HEXB: variants seen among roughly 807,000 people sequenced by gnomAD.
The protein encoded by HEXB is beta-hexosaminidase subunit beta.
A neutral mutation model predicts 71.2 loss-of-function variants in HEXB; 51 were observed. The ratio of observed to expected loss-of-function variants is 0.72; its 90% CI spans 0.57 to 0.90. The LOEUF (loss-of-function observed/expected upper bound fraction) is 0.90, where lower values mean the gene tolerates loss of function less well. Ranked by LOEUF, HEXB falls within the 40% of genes least tolerant of loss-of-function variation. The pLI, the probability that HEXB is intolerant of heterozygous loss-of-function variation, is 0.00. For synonymous variants in HEXB, 266 were observed against 249.3 expected, an observed-to-expected ratio of 1.07 and a Z score of -0.63; for missense variants, 617 against 677.0, an observed-to-expected ratio of 0.91 and a Z score of 0.98.
intron 1 of HEXB, among the ~76,000 whole-genome samples, chr5:74,663,454 G>A (rs1034348659): frequency 7.2e-5 from 11 of 152,140 alleles, no homozygotes; most frequent in Non-Finnish European, 1.5e-4. Flanking sequence ...GCCTCCCAAA[G>A]TGTTGGGATT....
At chr5:74,643,999 C>T (rs1747955369) in intron 1 of HEXB, among the ~76,000 whole-genome samples, 1 of 152,242 alleles carries the variant, frequency 6.6e-6, no homozygotes, top group Admixed American at 6.5e-5. Flanking sequence ...GTCCTGGAGA[C>T]AGAGTGTGGC....
intron 6 of HEXB, chr5:74,706,077 A>T (rs1291860847): frequency 6.6e-6 from 1 of 152,574 alleles, no homozygotes; most frequent in Non-Finnish European, 1.5e-5. Flanking sequence ...AGAATAGTTT[A>T]ATGAACTCCC....
intron 2 of HEXB, 161 bp from the exon 3 acceptor site, chr5:74,693,478 G>C (rs1168060461): frequency 5.8e-6 from 4 of 689,042 alleles, no homozygotes; most frequent in African/African-American, 1.8e-5. Context: ...GGAACCTGCA[G>C]GACATCCAAA....
rs533264474 is a variant in HEXB at position 74,696,933 on chromosome 5, T to C, written c.559-63T>C. On this transcript the variant is annotated intron_variant, in intron 4 of 13. Transcript: ENST00000261416. ...GAAATGCTTGTATAAATAGATTTAG[T>C]CTTCATTGAGTTCAAGACAACAGAA... The C allele has an allele frequency of 1.1e-4, 98 of 882,184 alleles. No homozygotes were observed. The African/African-American group carries it at 1.2e-3, about 10-fold the overall frequency. The allele number at this position is 882,184 out of a possible 1,614,324, so 54.6% of individuals were successfully genotyped here. A position where few individuals can be genotyped will look rare whatever the true frequency, so the allele number is the denominator to read the frequency against.
At chr5:74,687,304 C>T (rs1032063338) in intron 1 of HEXB, among the ~76,000 whole-genome samples, 2 of 152,150 alleles carry the variant, frequency 1.3e-5, no homozygotes, top group Non-Finnish European at 1.5e-5. Context: ...CAAAGTGCGA[C>T]GTGGTCAGGA....
chr5:74,693,478 G>A, intron 2 of HEXB, 161 bp from the exon 3 acceptor site: 1 of 689,160 alleles, frequency 1.5e-6, no homozygotes, highest in South Asian at 1.5e-5. Context: ...GGAACCTGCA[G>A]GACATCCAAA....
At chr5:74,677,490 CTTTTTTTT>C (rs566302720) in intron 1 of HEXB, among the ~76,000 whole-genome samples, 2 of 77,290 alleles carry the variant, frequency 2.6e-5, no homozygotes, top group South Asian at 4.1e-4. Flanking sequence ...TCTTCTTCTT[CTTTTTTTT>C]TTTTTTTTTT....
chr5:74,678,656 T>C (rs772173523), intron 1 of HEXB, among the ~76,000 whole-genome samples: 1 of 152,220 alleles, frequency 6.6e-6, no homozygotes, highest in South Asian at 2.1e-4. Flanking sequence ...TGAATGATCA[T>C]GAATCCTAAT....
At chr5:74,682,352 C>T (rs886584636), upstream of HEXB, among the ~76,000 whole-genome samples, 2 of 152,034 alleles carry the variant, frequency 1.3e-5, no homozygotes, top group Admixed American at 6.6e-5. Flanking sequence ...AGCGAGACTC[C>T]GTCTCAAAAA....
intron 1 of HEXB, among the ~76,000 whole-genome samples, chr5:74,665,999 G>A (rs1471214695): frequency 2.0e-5 from 3 of 151,984 alleles, no homozygotes; most frequent in Non-Finnish European, 4.4e-5. Context: ...ACCACATCTG[G>A]TCATTAAAAA....
intron 9 of HEXB, among the ~76,000 whole-genome samples, chr5:74,717,359 T>C (rs1282556539): frequency 1.3e-5 from 2 of 152,174 alleles, no homozygotes; most frequent in East Asian, 1.9e-4. Flanking sequence ...CAGGTGTCTG[T>C]CCATATGTAA....
Position 74,689,477 on chromosome 5 carries a change from A to G in HEXB, c.445+4A>G. 1 of 1,612,502 alleles carries G rather than the reference A, an allele frequency of 6.2e-7. No individual in the cohort carries two copies. Among genetic ancestry groups the G allele is most frequent in the African/African-American group, 1.3e-5 (1 of 74,992 alleles). ...AACATATCTTCAGATGAGTCTTGTA[A>G]GTACCTATGCAATGTGAGTGTATTA... is the stretch of plus-strand genomic sequence containing the variant. On this transcript the variant is annotated splice_donor_region_variant and intron_variant, in intron 2 of 13. Coordinates refer to ENST00000261416, the MANE Select transcript of HEXB (RefSeq NM_000521.4).
intron 1 of HEXB, among the ~76,000 whole-genome samples, chr5:74,675,863 T>C (rs1332963635): frequency 3.3e-5 from 5 of 152,326 alleles, no homozygotes; most frequent in Non-Finnish European, 7.3e-5. Flanking sequence ...CACCTAAAGT[T>C]CTACTTCATT....
At chr5:74,683,597 C>G (rs1417139637), upstream of HEXB, among the ~76,000 whole-genome samples, 1 of 152,048 alleles carries the variant, frequency 6.6e-6, no homozygotes, top group Non-Finnish European at 1.5e-5. Context: ...AGCCACCATG[C>G]CCAACAGTGG....
chr5:74,652,768 T>A lies in HEXB; in HGVS notation c.-377+12210T>A, dbSNP rs1196917894. Among the ~76,000 whole-genome samples the A allele has an allele frequency of 6.6e-6, 1 of 152,058 alleles. No individual in the cohort carries two copies. Among genetic ancestry groups the A allele is most frequent in the African/African-American group, 2.4e-5 (1 of 41,418 alleles). ...TCTGCCCACAGCACCAGCTCCGAGA[T>A]AACCATCACCCTCTCTGAGCTCCAA... On this transcript the variant is annotated intron_variant, in intron 1 of 13. Transcript: ENST00000511181. This position sits in a 1 kb window ranked among gnomAD's most constrained non-coding sequence, Gnocchi z 5.4.
chr5:74,656,965 C>T (rs1332001181), intron 1 of HEXB, among the ~76,000 whole-genome samples: 1 of 152,184 alleles, frequency 6.6e-6, no homozygotes, highest in Non-Finnish European at 1.5e-5. Context: ...CCCCTTGCTG[C>T]TGCTTCGTTG....
At chr5:74,704,893 A>G (rs1749344791) in intron 5 of HEXB, among the ~76,000 whole-genome samples, 1 of 152,102 alleles carries the variant, frequency 6.6e-6, no homozygotes, top group Non-Finnish European at 1.5e-5. Context: ...GGAGTTCCAG[A>G]CCAGCCTGGG....
At chr5:74,659,612 G>C (rs929735886) in intron 1 of HEXB, among the ~76,000 whole-genome samples, 1 of 152,050 alleles carries the variant, frequency 6.6e-6, no homozygotes, top group Non-Finnish European at 1.5e-5. Context: ...AAGTGGGGTG[G>C]GCCTCCAATA....
intron 6 of HEXB, among the ~76,000 whole-genome samples, chr5:74,710,344 A>G (rs1749510244): frequency 2.0e-5 from 3 of 150,804 alleles, no homozygotes; most frequent in Admixed American, 1.4e-4. Flanking sequence ...CTGAATGGGC[A>G]AAAACTAGAA....
Sources: gnomAD v4.1 joint callset for allele counts (sites outside exome capture counted in the v4.1 genomes callset) on GRCh38, gnomAD v4.1.1 for gene constraint, Gnocchi (gnomAD v3.1) non-coding constraint, MANE v1.5 for transcripts, NCBI Gene and HGNC (gene_info 2026-07-23, HGNC 2026-07-21) for gene names.